OSBPL1A: variants seen among roughly 807,000 people sequenced by gnomAD.
The protein encoded by OSBPL1A is oxysterol binding protein like 1A.
Under a neutral mutation model 137.1 loss-of-function variants are expected in OSBPL1A, and 80 were observed. The ratio of observed to expected loss-of-function variants is 0.58; its 90% CI spans 0.49 to 0.70. OSBPL1A has a LOEUF of 0.70. Ranked by LOEUF, OSBPL1A falls within the 30% of genes least tolerant of loss-of-function variation. The probability of loss-of-function intolerance (pLI) is 0.00; values close to 1 mark genes in which losing one functional copy is unlikely to be tolerated. For missense variants in OSBPL1A, 970 were observed against 1,129.4 expected (o/e 0.86, Z 2.02); for synonymous variants, 365 against 389.7 (o/e 0.94, Z 0.75).
chr18:24,281,054 G>A, intron 14 of OSBPL1A, 106 bp from the exon 15 acceptor site: 1 of 614,866 alleles, frequency 1.6e-6, no homozygotes, highest in Non-Finnish European at 2.6e-6. Flanking sequence ...TTTCCATCTA[G>A]CTATCTTAAG....
At chr18:24,166,851 A>C in intron 25 of OSBPL1A, 149 bp from the exon 26 acceptor site, 1 of 815,450 alleles carries the variant, frequency 1.2e-6, no homozygotes, top group Non-Finnish European at 1.8e-6. Context: ...ACGTATCTAA[A>C]TGTTTTCACC....
At chr18:24,254,797 TCA>T (rs2089221369) in intron 15 of OSBPL1A, among the ~76,000 whole-genome samples, 1 of 151,082 alleles carries the variant, frequency 6.6e-6, no homozygotes, top group Non-Finnish European at 1.5e-5. Flanking sequence ...GCAAAACAAA[TCA>T]GTTGAAGAAA....
chr18:24,170,469 G>A lies in OSBPL1A; in HGVS notation c.2292-16C>T, dbSNP rs1411311678. The stretch of plus-strand genomic sequence containing the variant: ...CTTCTTTTTGCTGTCAAGAAAAACT[G>A]ATGTTTAGTTAACAAACCAGTGTTT... On this transcript the variant is annotated splice_polypyrimidine_tract_variant and intron_variant, in intron 23 of 27. Coordinates refer to ENST00000319481, the MANE Select transcript of OSBPL1A (RefSeq NM_080597.4). 1 of 1,613,754 alleles carries A rather than the reference G, an allele frequency of 6.2e-7. No homozygotes were observed. The highest frequency in any genetic ancestry group is 1.7e-5 in the Admixed American group (1 of 59,906).
intron 21 of OSBPL1A, among the ~76,000 whole-genome samples, chr18:24,173,229 A>C (rs546237073): frequency 6.6e-6 from 1 of 152,246 alleles, no homozygotes; most frequent in South Asian, 2.1e-4. Context: ...AGGGATGAAT[A>C]GACACTGGGG....
chr18:24,325,825 T>G (rs1343669769), intron 7 of OSBPL1A, among the ~76,000 whole-genome samples: 1 of 152,172 alleles, frequency 6.6e-6, no homozygotes, highest in Middle Eastern at 3.2e-3. Context: ...ATTTATCAAA[T>G]CTCTACCTAA....
At chr18:24,194,486 A>C (rs574020339) in intron 18 of OSBPL1A, among the ~76,000 whole-genome samples, 1 of 152,332 alleles carries the variant, frequency 6.6e-6, no homozygotes, top group Admixed American at 6.5e-5. Flanking sequence ...GACTCTGCAG[A>C]ATACAAATAA....
chr18:24,277,505 A>G (rs980969722), intron 15 of OSBPL1A, among the ~76,000 whole-genome samples: 1 of 152,216 alleles, frequency 6.6e-6, no homozygotes, highest in Non-Finnish European at 1.5e-5. Context: ...TCTTTAAAAC[A>G]ATCCCTTTTG....
chr18:24,274,233 C>CA (rs5823419), intron 15 of OSBPL1A, among the ~76,000 whole-genome samples: 53,952 of 110,336 alleles, frequency 0.49, 12,777 homozygotes, highest in Middle Eastern at 0.65. Context: ...GACTCCTTCA[C>CA]AAAAAAAAAA....
At chr18:24,204,897 T>C (rs866862552) in intron 17 of OSBPL1A, among the ~76,000 whole-genome samples, 1 of 152,194 alleles carries the variant, frequency 6.6e-6, no homozygotes, top group East Asian at 1.9e-4. Context: ...GATCATTGAT[T>C]TGTATGTTTC....
At chr18:24,283,343 CATATGG>C (rs1192352151) in intron 14 of OSBPL1A, among the ~76,000 whole-genome samples, 1 of 145,892 alleles carries the variant, frequency 6.9e-6, no homozygotes, top group Non-Finnish European at 1.5e-5. Flanking sequence ...CACACACACA[CATATGG>C]ATATGAAGGC....
At chr18:24,372,248 C>T (rs562769992) in intron 2 of OSBPL1A, among the ~76,000 whole-genome samples, 20 of 147,628 alleles carry the variant, frequency 1.4e-4, no homozygotes, top group Admixed American at 6.8e-4. Context: ...GCACTACAGC[C>T]GGAGTGACAG....
intron 4 of OSBPL1A, among the ~76,000 whole-genome samples, chr18:24,363,177 G>A (rs776653550): frequency 4.6e-5 from 7 of 152,104 alleles, no homozygotes; most frequent in South Asian, 4.1e-4. Context: ...CCACAAACTC[G>A]GTGGCTTAAA....
At chr18:24,305,361 T>G (rs940037765) in intron 13 of OSBPL1A, among the ~76,000 whole-genome samples, 1 of 152,220 alleles carries the variant, frequency 6.6e-6, no homozygotes, top group Non-Finnish European at 1.5e-5. Flanking sequence ...TTACTTGTTT[T>G]AAAGGGTACA....
chr18:24,272,027 G>C, intron 15 of OSBPL1A: 1 of 981,882 alleles, frequency 1.0e-6, no homozygotes, highest in Non-Finnish European at 1.2e-6. Context: ...CCTGCGCGCG[G>C]CGGGCAGCGT....
At chr18:24,211,437 C>G (rs2087541324) in intron 17 of OSBPL1A, among the ~76,000 whole-genome samples, 1 of 152,024 alleles carries the variant, frequency 6.6e-6, no homozygotes, top group Non-Finnish European at 1.5e-5. Context: ...ATCAAGTAGT[C>G]TAGAAACTTT....
intron 4 of OSBPL1A, among the ~76,000 whole-genome samples, chr18:24,351,808 G>A (rs2091446523): frequency 6.6e-6 from 1 of 152,202 alleles, no homozygotes; most frequent in African/African-American, 2.4e-5. Flanking sequence ...ACAAATGGCT[G>A]GGATTATAGG....
chr18:24,387,664 T>C (rs1907038658), intron 1 of OSBPL1A, among the ~76,000 whole-genome samples: 1 of 152,048 alleles, frequency 6.6e-6, no homozygotes, highest in Non-Finnish European at 1.5e-5. Context: ...ATTCTCTATC[T>C]TGGCCTCTCA....
In OSBPL1A at chr18:24,318,835, C is replaced by G. The variant is rs371204595; in HGVS notation, c.626-26G>C. The G allele has an allele frequency of 3.1e-5, 50 of 1,591,364 alleles. No homozygotes were observed. In the African/African-American group the frequency reaches 6.7e-4, roughly 21 times the overall value. The stretch of plus-strand genomic sequence containing the variant: ...CTGTGCAAAATACAAAGAAAAAAAG[C>G]CATCAACAGCTTAAATGTACTATGA... On this transcript the variant is annotated intron_variant, in intron 7 of 27. Transcript: ENST00000319481.
At chr18:24,393,025 C>T (rs891776738) in intron 1 of OSBPL1A, among the ~76,000 whole-genome samples, 8 of 151,990 alleles carry the variant, frequency 5.3e-5, no homozygotes, top group Admixed American at 4.6e-4. Context: ...TTTCTCCTGA[C>T]GTTATATTCT....
Sources: allele counts gnomAD v4.1 joint callset (sites outside exome capture counted in the v4.1 genomes callset), GRCh38; gene constraint gnomAD v4.1.1; transcripts MANE v1.5; gene names NCBI Gene and HGNC (gene_info 2026-07-23, HGNC 2026-07-21).